HS6ST3: variants seen among roughly 807,000 people sequenced by gnomAD.
The protein encoded by HS6ST3 is heparan-sulfate 6-O-sulfotransferase 3.
In HS6ST3, 12 loss-of-function variants were observed where a neutral mutation model predicts 36.7. The ratio of observed to expected loss-of-function variants is 0.33; its 90% CI spans 0.21 to 0.53. The LOEUF (loss-of-function observed/expected upper bound fraction) is 0.53, where lower values mean the gene tolerates loss of function less well. Ranked by LOEUF, HS6ST3 falls within the 20% of genes least tolerant of loss-of-function variation. The probability of loss-of-function intolerance (pLI) is 0.95; values close to 1 mark genes in which losing one functional copy is unlikely to be tolerated. For missense variants in HS6ST3, 584 were observed against 640.9 expected (o/e 0.91, Z 0.96); for synonymous variants, 240 against 257.5 (o/e 0.93, Z 0.65).
At chr13:96,823,295 GA>G (rs1878575522) in intron 1 of HS6ST3, among the ~76,000 whole-genome samples, 1 of 152,196 alleles carries the variant, frequency 6.6e-6, no homozygotes, top group South Asian at 2.1e-4. Context: ...TCATGGCTTA[GA>G]ATGTTCATCA....
intron 1 of HS6ST3, among the ~76,000 whole-genome samples, chr13:96,537,544 T>C (rs1326732467): frequency 6.6e-6 from 1 of 152,228 alleles, no homozygotes; most frequent in African/African-American, 2.4e-5. Context: ...TCATTTATTC[T>C]ATTTCTTACA....
intron 1 of HS6ST3, among the ~76,000 whole-genome samples, chr13:96,364,525 T>G (rs184865922): frequency 6.6e-6 from 1 of 152,288 alleles, no homozygotes; most frequent in Admixed American, 6.5e-5. Context: ...AAGTATTGTA[T>G]GATTCCACTA....
chr13:96,113,820 C>T (rs890769426), intron 1 of HS6ST3, among the ~76,000 whole-genome samples: 5 of 151,928 alleles, frequency 3.3e-5, no homozygotes, highest in Admixed American at 3.3e-4. Context: ...AGTATATGCA[C>T]TAATATATTC....
At chr13:96,216,946 C>T (rs1468479362) in intron 1 of HS6ST3, among the ~76,000 whole-genome samples, 1 of 152,232 alleles carries the variant, frequency 6.6e-6, no homozygotes, top group Non-Finnish European at 1.5e-5. Context: ...GTTTTCCCTG[C>T]TCCTTCCGAT....
At chr13:96,767,490 G>A (rs763602773) in intron 1 of HS6ST3, among the ~76,000 whole-genome samples, 2 of 152,200 alleles carry the variant, frequency 1.3e-5, no homozygotes. Flanking sequence ...GTAGGGTAGT[G>A]AGAATTGCAA....
chr13:96,527,515 G>GGAACTAACTAACTCTAGT (rs1266893464), intron 1 of HS6ST3, among the ~76,000 whole-genome samples: 1 of 152,184 alleles, frequency 6.6e-6, no homozygotes, highest in Non-Finnish European at 1.5e-5. Flanking sequence ...TTAGTGGCGA[G>GGAACTAACTAACTCTAGT]TAGTATGGAG....
chr13:96,215,671 T>C (rs923064982), intron 1 of HS6ST3, among the ~76,000 whole-genome samples: 2 of 151,846 alleles, frequency 1.3e-5, no homozygotes, highest in African/African-American at 4.9e-5. Flanking sequence ...TTTTTTCCCT[T>C]TATTTTTTTT....
chr13:96,658,815 CG>C (rs1566423168), intron 1 of HS6ST3, among the ~76,000 whole-genome samples: 1 of 151,688 alleles, frequency 6.6e-6, no homozygotes, highest in Non-Finnish European at 1.5e-5. Flanking sequence ...AAGCAGTTCT[CG>C]TGCCTCAGCC....
intron 1 of HS6ST3, among the ~76,000 whole-genome samples, chr13:96,112,577 A>AT: frequency 2.4e-4 from 8 of 33,316 alleles, no homozygotes; most frequent in Non-Finnish European, 4.6e-4. Flanking sequence ...TAAAATAAAT[A>AT]AATATATATA....
At chr13:96,636,165 AT>A (rs1185320364) in intron 1 of HS6ST3, among the ~76,000 whole-genome samples, 2 of 152,142 alleles carry the variant, frequency 1.3e-5, no homozygotes, top group African/African-American at 4.8e-5. Flanking sequence ...GTGAGGGTAC[AT>A]TTGCGTTTGC....
intron 1 of HS6ST3, among the ~76,000 whole-genome samples, chr13:96,188,771 ATTG>A (rs1367034205): frequency 3.3e-5 from 5 of 152,092 alleles, no homozygotes; most frequent in Non-Finnish European, 5.9e-5. Flanking sequence ...TTAATGTGTA[ATTG>A]TTATTATTAT....
intron 1 of HS6ST3, among the ~76,000 whole-genome samples, chr13:96,245,430 T>G (rs1352248149): frequency 3.9e-5 from 6 of 152,202 alleles, no homozygotes; most frequent in African/African-American, 1.4e-4. Context: ...TTTAAGGTAA[T>G]AGCTGTCAAT....
At chr13:96,094,896 T>G (rs1218829882) in intron 1 of HS6ST3, among the ~76,000 whole-genome samples, 4 of 152,224 alleles carry the variant, frequency 2.6e-5, no homozygotes, top group African/African-American at 9.6e-5. Context: ...GTTATTTTTT[T>G]GGCAGGCCAT....
chr13:96,722,921 G>A lies in HS6ST3; in HGVS notation c.708-109569G>A, dbSNP rs576202450. Among the ~76,000 whole-genome samples, 315 of 152,242 alleles carry A rather than the reference G, an allele frequency of 2.1e-3. 3 individuals carry two copies. Among genetic ancestry groups the A allele is most frequent in the Middle Eastern group, 6.8e-3 (2 of 294 alleles). On this transcript the variant is annotated intron_variant, in intron 1 of 1. Coordinates refer to ENST00000376705, the MANE Select transcript of HS6ST3 (RefSeq NM_153456.4). Reference sequence around the variant, plus strand: ...GAGCCCGAGAGGTTGAGGCTGCAGTGTGCCATGATCGTGCCACTGCACTCC... The same window carrying A: ...GAGCCCGAGAGGTTGAGGCTGCAGTATGCCATGATCGTGCCACTGCACTCC...
chr13:96,688,054 CA>C (rs1162241163), intron 1 of HS6ST3, among the ~76,000 whole-genome samples: 4 of 99,388 alleles, frequency 4.0e-5, no homozygotes, highest in South Asian at 4.1e-4. Context: ...ACATCACACA[CA>C]CACCGGGGCC....
At chr13:96,657,270 AT>A (rs1415459233) in intron 1 of HS6ST3, among the ~76,000 whole-genome samples, 1 of 152,088 alleles carries the variant, frequency 6.6e-6, no homozygotes, top group Non-Finnish European at 1.5e-5. Flanking sequence ...CACTTTTACG[AT>A]GCTTTAAGGC....
intron 1 of HS6ST3, among the ~76,000 whole-genome samples, chr13:96,770,656 A>G (rs1464611148): frequency 6.6e-6 from 1 of 152,236 alleles, no homozygotes; most frequent in Non-Finnish European, 1.5e-5. Context: ...ATAAATGGGT[A>G]TTGAATTAGA....
chr13:96,135,214 TG>T (rs1424154463), intron 1 of HS6ST3, among the ~76,000 whole-genome samples: 1 of 152,174 alleles, frequency 6.6e-6, no homozygotes, highest in Non-Finnish European at 1.5e-5. Context: ...GGGAGACTGC[TG>T]GGTGTGTTGA....
chr13:96,650,192 A>G (rs927253311), intron 1 of HS6ST3, among the ~76,000 whole-genome samples: 1 of 152,044 alleles, frequency 6.6e-6, no homozygotes, highest in Non-Finnish European at 1.5e-5. Context: ...AACATATTAT[A>G]TAATTTATAC....
Sources: gnomAD v4.1 joint callset for allele counts (sites outside exome capture counted in the v4.1 genomes callset) on GRCh38, gnomAD v4.1.1 for gene constraint, MANE v1.5 for transcripts, NCBI Gene and HGNC (gene_info 2026-07-23, HGNC 2026-07-21) for gene names.